The following TMEM132A variants were observed in gnomAD, a reference collection of about 807,000 sequenced individuals.
TMEM132A encodes GRP78-binding protein.
A neutral mutation model predicts 69.9 loss-of-function variants in TMEM132A; 48 were observed. The ratio of observed to expected loss-of-function variants is 0.69; its 90% CI spans 0.55 to 0.87. TMEM132A has a LOEUF of 0.87. Among genes scored for constraint, TMEM132A ranks in the 40% least tolerant of loss-of-function variants. The probability of loss-of-function intolerance (pLI) is 0.00; values close to 1 mark genes in which losing one functional copy is unlikely to be tolerated. For synonymous variants in TMEM132A, 577 were observed against 613.7 expected, an observed-to-expected ratio of 0.94 and a Z score of 0.88; for missense variants, 1,287 against 1,407.2, an observed-to-expected ratio of 0.91 and a Z score of 1.37.
chr11:60,926,075 T>G (rs938919193), intron 1 of TMEM132A: 2 of 152,228 alleles, frequency 1.3e-5, no homozygotes, highest in Admixed American at 1.3e-4. Context: ...GACAGGAGAC[T>G]GGTGGGAAGG....
intron 7 of TMEM132A, chr11:60,933,070 C>G (rs1196460779): frequency 6.5e-6 from 1 of 154,060 alleles, no homozygotes; most frequent in Non-Finnish European, 1.4e-5. Flanking sequence ...AGGGGCTTAA[C>G]CAACAATCCT....
Position 60,928,835 on chromosome 11 carries a change from C to T in TMEM132A, c.741C>T (p.Tyr247=), listed in dbSNP as rs966912582. Reference sequence around the variant, plus strand: ...TGCGCCCAGCAGACCCCCCGCAGTACCAGGAGGTACCTCTGGACGAGGCTG... The same window carrying T: ...TGCGCCCAGCAGACCCCCCGCAGTATCAGGAGGTACCTCTGGACGAGGCTG... ...VELRPADPPQ[Y]QEVPLDEAVT... is the part of the protein sequence containing the mutation. Residue 247 remains tyrosine, a synonymous_variant, in exon 4 of 11, where the codon TAC becomes TAT. Coordinates refer to ENST00000453848, the MANE Select transcript of TMEM132A (RefSeq NM_178031.3). The T allele has an allele frequency of 3.1e-6, 5 of 1,612,464 alleles. No individual in the cohort carries two copies. The highest frequency in any genetic ancestry group is 1.7e-5 in the Admixed American group (1 of 59,996).
intron 8 of TMEM132A, 81 bp downstream of exon 8, chr11:60,933,825 C>A: frequency 1.5e-6 from 2 of 1,348,368 alleles, no homozygotes; most frequent in Non-Finnish European, 2.0e-6. Context: ...CAGCCATGGG[C>A]CCAAGTCGGG....
chr11:60,929,904 C>CG (rs1236820846), intron 4 of TMEM132A, among the ~76,000 whole-genome samples: 1 of 1,268 alleles, frequency 7.9e-4, no homozygotes, highest in Non-Finnish European at 0.018. Flanking sequence ...CAGAAAGGGG[C>CG]CCCAGTGGTA....
intron 4 of TMEM132A, 101 bp downstream of exon 4, chr11:60,929,061 C>A: frequency 8.2e-7 from 1 of 1,221,960 alleles, no homozygotes; most frequent in Non-Finnish European, 1.2e-6. Flanking sequence ...AATCCTTGAC[C>A]TCTGCAAAAC....
Position 60,936,768 on chromosome 11 carries a change from A to C in TMEM132A, c.2933A>C (p.Glu978Ala), listed in dbSNP as rs2134917074. The change falls in exon 11 of 11, where the codon GAG becomes GCG. Residue 978 changes from glutamate (E) to alanine (A), a missense_variant. Coordinates refer to ENST00000453848, the MANE Select transcript of TMEM132A (RefSeq NM_178031.3). Reference protein sequence around the residue: ...FAPAPPAQSPEEPVGAPAVQS... With the variant: ...FAPAPPAQSPAEPVGAPAVQS... ...CCAGCCCCTCCAGCCCAGTCACCTG[A>C]GGAGCCTGTAGGGGCCCCTGCTGTG... 1 of 1,612,574 alleles carries C rather than the reference A, an allele frequency of 6.2e-7. No homozygotes were observed. Among genetic ancestry groups the C allele is most frequent in the Middle Eastern group, 1.7e-4 (1 of 5,812 alleles).
At chr11:60,927,544 C>T (rs1006965411) in intron 2 of TMEM132A, 97 bp from the exon 3 acceptor site, 6 of 1,408,820 alleles carry the variant, frequency 4.3e-6, no homozygotes, top group African/African-American at 2.9e-5. Context: ...GAAACTGAGG[C>T]CCATAAAGGT....
At chr11:60,933,210 A>T in intron 7 of TMEM132A, 1 of 259,012 alleles carries the variant, frequency 3.9e-6, no homozygotes, top group Non-Finnish European at 7.2e-6. Context: ...TTTGAAACAG[A>T]GTCTCACTCT....
intron 3 of TMEM132A, among the ~76,000 whole-genome samples, chr11:60,928,348 G>A (rs947299329): frequency 2.0e-5 from 3 of 152,162 alleles, no homozygotes; most frequent in Non-Finnish European, 4.4e-5. Flanking sequence ...GGATAGTCCT[G>A]GGCTTGGTTA....
At position 60,935,216 on chromosome 11, in the gene TMEM132A, G is replaced by C. The variant is rs1856564933; in HGVS notation, c.1837-36G>C. On this transcript the variant is annotated intron_variant, in intron 9 of 10. Coordinates refer to ENST00000453848, the MANE Select transcript of TMEM132A (RefSeq NM_178031.3). The surrounding 1 kb of genome is among the most constrained non-coding windows in gnomAD (Gnocchi z 5.0). ...CCTCTGGGTGGGGGCTGTCTGTATG[G>C]AAGGCCCCCCACCTCCAGCTCCTTT... 6.4e-7 allele frequency: 1 copy of C among 1,562,222 alleles called. No homozygotes were observed. Among genetic ancestry groups the C allele is most frequent in the Non-Finnish European group, 8.7e-7 (1 of 1,151,146 alleles).
At chr11:60,930,953 C>G (rs1188380551) in intron 5 of TMEM132A, among the ~76,000 whole-genome samples, 8 of 152,322 alleles carry the variant, frequency 5.3e-5, no homozygotes, top group Non-Finnish European at 1.2e-4. Context: ...AGCCACTACT[C>G]CATCCCCCTG....
intron 5 of TMEM132A, 124 bp from the exon 6 acceptor site, chr11:60,931,565 T>C: frequency 3.1e-6 from 3 of 956,666 alleles, no homozygotes; most frequent in South Asian, 3.2e-5. Flanking sequence ...TTAAGTGAGC[T>C]ATGTAACCTC....
chr11:60,930,580 C>T lies in TMEM132A; in HGVS notation c.937C>T (p.Leu313=). 6.2e-7 allele frequency: 1 copy of T among 1,613,668 alleles called. No individual in the cohort carries two copies. The highest frequency in any genetic ancestry group is 8.5e-7 in the Non-Finnish European group (1 of 1,179,878). The stretch of plus-strand genomic sequence containing the variant: ...CCAGCCCACACTCTGGACTGCCAAG[C>T]TGGACCGCTTCAAGGGCTCCAGGCA... ...PAQPTLWTAK[L]DRFKGSRHHT... is the part of the protein sequence containing the mutation. Residue 313 remains leucine, a synonymous_variant, in exon 5 of 11, where the codon CTG becomes TTG. Coordinates refer to ENST00000453848, the MANE Select transcript of TMEM132A (RefSeq NM_178031.3).
rs567404852 is a variant in TMEM132A at position 60,936,974 on chromosome 11, G to A, written c.*67G>A. The stretch of plus-strand genomic sequence containing the variant: ...GGGTGGAGGTCCCACTGAGCCTCTC[G>A]CCTGCCCCCGCCACTCGTCTGGTGC... On this transcript the variant is annotated 3_prime_UTR_variant, in exon 11 of 11. Transcript: ENST00000453848. 211 of 1,356,328 alleles carry A rather than the reference G, an allele frequency of 1.6e-4. No homozygotes were observed. Among genetic ancestry groups the A allele is most frequent in the Non-Finnish European group, 1.8e-4 (189 of 1,025,042 alleles). 84.0% of individuals were successfully genotyped at this position (1,356,328 alleles called of 1,614,324 possible).
rs998582609 is a variant in TMEM132A at position 60,931,044 on chromosome 11, C to T, written c.1016+385C>T. ...TGCAGTTCTGCGGTTGTGAACTCTT[C>T]TTATTCATGCCCTGAGCCTGGGTCA... On this transcript the variant is annotated intron_variant, in intron 5 of 10. Coordinates refer to ENST00000453848, the MANE Select transcript of TMEM132A (RefSeq NM_178031.3). Among the ~76,000 whole-genome samples, 5 of 152,174 alleles carry T rather than the reference C, an allele frequency of 3.3e-5. No individual in the cohort carries two copies. The East Asian group carries it at 7.7e-4, about 23-fold the overall frequency.
intron 7 of TMEM132A, 28 bp from the exon 8 acceptor site, chr11:60,933,514 C>G (rs774706885): frequency 6.3e-7 from 1 of 1,587,230 alleles, no homozygotes; most frequent in Admixed American, 1.7e-5. Context: ...TGGCTTAGCC[C>G]GCCCACCTGC....
At chr11:60,934,076 A>G in intron 8 of TMEM132A, 2 of 422,422 alleles carry the variant, frequency 4.7e-6, no homozygotes, top group Middle Eastern at 5.8e-4. Context: ...CGGTCTGTCT[A>G]TGCTGGTCGT....
In TMEM132A at chr11:60,934,784, G is replaced by A; in HGVS notation, c.1836+20G>A. 1 of 1,582,846 alleles carries A rather than the reference G, an allele frequency of 6.3e-7. No homozygotes were observed. The highest frequency in any genetic ancestry group is 8.6e-7 in the Non-Finnish European group (1 of 1,162,212). ...ATTGAGGTAAGCAGCTGGGGACCAG[G>A]AGAGTAGACCCCCTGAGAAGGGTGG... On this transcript the variant is annotated intron_variant, in intron 9 of 10. Transcript: ENST00000453848.
chr11:60,934,857 GC>G, intron 9 of TMEM132A, 93 bp downstream of exon 9: 1 of 1,352,260 alleles, frequency 7.4e-7, no homozygotes, highest in Non-Finnish European at 1.0e-6. Context: ...TGTGCCAGGA[GC>G]CCAGAGTGTG....
Sources: gnomAD v4.1 joint callset for allele counts (sites outside exome capture counted in the v4.1 genomes callset) on GRCh38, gnomAD v4.1.1 for gene constraint, Gnocchi (gnomAD v3.1) non-coding constraint, MANE v1.5 for transcripts, NCBI Gene and HGNC (gene_info 2026-07-23, HGNC 2026-07-21) for gene names.